Variants in PRKACB observed in about 807,000 individuals in gnomAD.
PRKACB encodes the protein cAMP-dependent protein kinase catalytic subunit beta.
Under a neutral mutation model 51.4 loss-of-function variants are expected in PRKACB, and 16 were observed. The ratio of observed to expected loss-of-function variants is 0.31; its 90% CI spans 0.21 to 0.47. PRKACB has a LOEUF of 0.47. PRKACB is among the 20% of genes least tolerant of loss of function. The pLI is 1.00. For missense variants in PRKACB, 309 were observed against 464.5 expected (o/e 0.67, Z 3.08); for synonymous variants, 147 against 154.4 (o/e 0.95, Z 0.35).
intron 1 of PRKACB, among the ~76,000 whole-genome samples, chr1:84,138,664 C>T (rs1653082171): frequency 6.6e-6 from 1 of 152,112 alleles, no homozygotes; most frequent in South Asian, 2.1e-4. Flanking sequence ...AGACAGAATA[C>T]TTCTCAACTT....
intron 5 of PRKACB, among the ~76,000 whole-genome samples, chr1:84,189,164 A>G (rs1666034924): frequency 6.6e-6 from 1 of 151,878 alleles, no homozygotes; most frequent in African/African-American, 2.4e-5. Context: ...AAAATTACCA[A>G]TCATCTGAAA....
At chr1:84,121,617 C>G (rs1448448314) in intron 1 of PRKACB, among the ~76,000 whole-genome samples, 2 of 152,060 alleles carry the variant, frequency 1.3e-5, no homozygotes, top group Non-Finnish European at 2.9e-5. Context: ...GCAATCTCAA[C>G]CAATTGCTAT....
chr1:84,144,234 G>A, upstream of PRKACB: 1 of 1,470,618 alleles, frequency 6.8e-7, no homozygotes, highest in Non-Finnish European at 8.9e-7. Flanking sequence ...CAGAACAGCA[G>A]TAGTGGTTTG....
At chr1:84,090,593 A>G (rs1317385518) in intron 1 of PRKACB, among the ~76,000 whole-genome samples, 14 of 152,192 alleles carry the variant, frequency 9.2e-5, no homozygotes, top group Non-Finnish European at 1.0e-4. Flanking sequence ...CTGGCTGTAC[A>G]GGTAATTTGA....
intron 9 of PRKACB, among the ~76,000 whole-genome samples, chr1:84,220,411 C>G (rs1478619330): frequency 1.3e-5 from 2 of 151,888 alleles, no homozygotes; most frequent in African/African-American, 4.8e-5. Flanking sequence ...ATTTAGATGC[C>G]TTGCATTTAG....
intron 1 of PRKACB, among the ~76,000 whole-genome samples, chr1:84,133,826 C>A (rs1042838647): frequency 7.2e-5 from 11 of 152,080 alleles, no homozygotes; most frequent in Non-Finnish European, 1.2e-4. Flanking sequence ...AGTCAGTACT[C>A]TTTTAGCTTT....
intron 9 of PRKACB, among the ~76,000 whole-genome samples, chr1:84,226,061 C>T (rs1368161861): frequency 1.3e-5 from 2 of 152,142 alleles, no homozygotes; most frequent in Non-Finnish European, 1.5e-5. Flanking sequence ...CTGTATATGT[C>T]ACTGCTTTAT....
chr1:84,114,511 C>T (rs886376669), intron 1 of PRKACB, among the ~76,000 whole-genome samples: 1 of 151,902 alleles, frequency 6.6e-6, no homozygotes, highest in Non-Finnish European at 1.5e-5. Flanking sequence ...AATTTTATTA[C>T]ATGTATGTAA....
chr1:84,118,906 C>T (rs879387459), intron 1 of PRKACB, among the ~76,000 whole-genome samples: 3 of 152,048 alleles, frequency 2.0e-5, no homozygotes, highest in Non-Finnish European at 4.4e-5. Context: ...CTAAGAAATA[C>T]TCTTGTTTTT....
chr1:84,201,689 G>T (rs1204534824), intron 7 of PRKACB, among the ~76,000 whole-genome samples: 1 of 152,026 alleles, frequency 6.6e-6, no homozygotes, highest in Non-Finnish European at 1.5e-5. Flanking sequence ...TGACAAAAGG[G>T]TGGAATGTGG....
At chr1:84,147,266 A>G (rs1654229545) in intron 1 of PRKACB, among the ~76,000 whole-genome samples, 1 of 152,030 alleles carries the variant, frequency 6.6e-6, no homozygotes, top group Non-Finnish European at 1.5e-5. Flanking sequence ...AGTTTTGATT[A>G]TGGATGTCCT....
At chr1:84,213,421 T>C (rs1672421765) in intron 8 of PRKACB, among the ~76,000 whole-genome samples, 1 of 152,156 alleles carries the variant, frequency 6.6e-6, no homozygotes. Flanking sequence ...AAAAATAGAC[T>C]TAGGTCTCCT....
At chr1:84,109,588 C>T (rs1173036160) in intron 1 of PRKACB, among the ~76,000 whole-genome samples, 2 of 151,802 alleles carry the variant, frequency 1.3e-5, no homozygotes, top group African/African-American at 4.8e-5. Context: ...TACTTTAAGT[C>T]TTGTGATAGA....
chr1:84,117,397 T>G (rs888388109), intron 1 of PRKACB, among the ~76,000 whole-genome samples: 7 of 152,298 alleles, frequency 4.6e-5, no homozygotes, highest in East Asian at 1.9e-4. Context: ...CCTTAGTACA[T>G]TTGGTAGAAT....
At chr1:84,199,084 TATG>T in intron 7 of PRKACB, among the ~76,000 whole-genome samples, 1 of 142,176 alleles carries the variant, frequency 7.0e-6, no homozygotes, top group Non-Finnish European at 1.5e-5. Context: ...TATGTATATA[TATG>T]CGTATATATG....
chr1:84,132,904 AT>A (rs1348651337), intron 1 of PRKACB, among the ~76,000 whole-genome samples: 1 of 152,128 alleles, frequency 6.6e-6, no homozygotes, highest in Non-Finnish European at 1.5e-5. Flanking sequence ...AAGGTATATG[AT>A]TTATCTATCA....
At chr1:84,222,841 A>T (rs867069599) in intron 9 of PRKACB, among the ~76,000 whole-genome samples, 5 of 152,090 alleles carry the variant, frequency 3.3e-5, no homozygotes, top group African/African-American at 1.2e-4. Context: ...ATATCATCCA[A>T]TTCTCTCCTG....
chr1:84,187,691 G>A (rs1427918557), intron 5 of PRKACB, among the ~76,000 whole-genome samples: 2 of 152,116 alleles, frequency 1.3e-5, no homozygotes, highest in Admixed American at 6.6e-5. Context: ...TAGATAACAA[G>A]ACTCAAAAAT....
At chr1:84,231,906 G>C (rs1446431310) in intron 9 of PRKACB, among the ~76,000 whole-genome samples, 6 of 150,764 alleles carry the variant, frequency 4.0e-5, no homozygotes, top group Non-Finnish European at 8.9e-5. Context: ...AGGGTTTTTT[G>C]TGTCTCTATT....
Sources: gnomAD v4.1 joint callset for allele counts (sites outside exome capture counted in the v4.1 genomes callset) on GRCh38, gnomAD v4.1.1 for gene constraint, MANE v1.5 for transcripts, NCBI Gene and HGNC (gene_info 2026-07-23, HGNC 2026-07-21) for gene names.